Variants in CTIF observed in about 807,000 individuals in gnomAD.
CTIF encodes CBP80/20-dependent translation initiation factor.
A neutral mutation model predicts 66.0 loss-of-function variants in CTIF; 21 were observed. The ratio of observed to expected loss-of-function variants is 0.32; its 90% CI spans 0.23 to 0.46. CTIF has a LOEUF of 0.46. Ranked by LOEUF, CTIF falls within the 20% of genes least tolerant of loss-of-function variation. The probability of loss-of-function intolerance (pLI) is 1.00; values close to 1 mark genes in which losing one functional copy is unlikely to be tolerated. For missense variants in CTIF, 739 were observed against 812.7 expected (o/e 0.91, Z 1.10); for synonymous variants, 345 against 326.4 (o/e 1.06, Z -0.62).
At chr18:48,696,756 A>G (rs2092015017) in intron 6 of CTIF, among the ~76,000 whole-genome samples, 1 of 152,184 alleles carries the variant, frequency 6.6e-6, no homozygotes, top group Admixed American at 6.5e-5. Flanking sequence ...CTTAGAGAGG[A>G]TAAATGAGCA....
intron 9 of CTIF, among the ~76,000 whole-genome samples, chr18:48,800,788 C>G (rs375467262): frequency 6.6e-6 from 1 of 152,202 alleles, no homozygotes; most frequent in Non-Finnish European, 1.5e-5. Flanking sequence ...GGAGTCGGAC[C>G]AGAGTGCCTC....
intron 1 of CTIF, among the ~76,000 whole-genome samples, chr18:48,601,128 G>T (rs187797082): frequency 6.6e-6 from 1 of 152,160 alleles, no homozygotes; most frequent in Non-Finnish European, 1.5e-5. Context: ...TCACCACTAA[G>T]GTGTTAGGCC....
At chr18:48,559,867 G>A (rs1465605139) in intron 1 of CTIF, among the ~76,000 whole-genome samples, 1 of 152,128 alleles carries the variant, frequency 6.6e-6, no homozygotes, top group African/African-American at 2.4e-5. Flanking sequence ...CACTATTCAG[G>A]CATGAGTACA....
At chr18:48,631,848 T>A (rs1307896766) in intron 2 of CTIF, among the ~76,000 whole-genome samples, 1 of 152,114 alleles carries the variant, frequency 6.6e-6, no homozygotes, top group Non-Finnish European at 1.5e-5. Context: ...TTCAGGAGGC[T>A]CAAAGCTGTA....
chr18:48,548,151 G>A (rs940747301), intron 1 of CTIF, among the ~76,000 whole-genome samples: 2 of 152,214 alleles, frequency 1.3e-5, no homozygotes, highest in Non-Finnish European at 2.9e-5. Context: ...GAGCCCTGAA[G>A]GGATTCAGAA....
intron 6 of CTIF, among the ~76,000 whole-genome samples, chr18:48,691,116 T>C (rs1021562703): frequency 1.3e-5 from 2 of 152,188 alleles, no homozygotes; most frequent in African/African-American, 2.4e-5. Flanking sequence ...ATAGACAATC[T>C]TCCTAAACTC....
At chr18:48,543,466 C>T (rs981316220) in intron 1 of CTIF, among the ~76,000 whole-genome samples, 4 of 152,162 alleles carry the variant, frequency 2.6e-5, no homozygotes, top group African/African-American at 9.6e-5. Context: ...CCCTGCCTCC[C>T]GCTGTGTGCG....
At chr18:48,586,731 C>A (rs2089777852) in intron 1 of CTIF, among the ~76,000 whole-genome samples, 1 of 152,058 alleles carries the variant, frequency 6.6e-6, no homozygotes, top group South Asian at 2.1e-4. Flanking sequence ...GTATTTATGT[C>A]TTTCTTTTAT....
intron 9 of CTIF, among the ~76,000 whole-genome samples, chr18:48,784,543 G>A (rs1269409751): frequency 2.6e-5 from 4 of 152,100 alleles, no homozygotes; most frequent in African/African-American, 7.2e-5. Context: ...AAGGATGGAG[G>A]TGATGTCTCC....
chr18:48,843,031 G>A (rs376091687), intron 10 of CTIF, among the ~76,000 whole-genome samples: 30 of 152,150 alleles, frequency 2.0e-4, no homozygotes, highest in East Asian at 1.4e-3. Flanking sequence ...GGTGGATGTC[G>A]GGGCTGTGGA....
chr18:48,638,769 A>G (rs1180897803), intron 3 of CTIF, among the ~76,000 whole-genome samples: 1 of 152,268 alleles, frequency 6.6e-6, no homozygotes, highest in Non-Finnish European at 1.5e-5. Context: ...TTAAAAGTGA[A>G]GTTGTGAAAA....
intron 9 of CTIF, among the ~76,000 whole-genome samples, chr18:48,785,277 C>T (rs940628051): frequency 2.6e-5 from 4 of 152,134 alleles, no homozygotes; most frequent in African/African-American, 9.7e-5. Context: ...GGCTCCAAAC[C>T]GAAACTCAGC....
At chr18:48,597,943 G>T (rs1178024441) in intron 1 of CTIF, among the ~76,000 whole-genome samples, 1 of 152,214 alleles carries the variant, frequency 6.6e-6, no homozygotes, top group Non-Finnish European at 1.5e-5. Flanking sequence ...AGTGGCCAGT[G>T]CAGGGGACGG....
chr18:48,619,569 G>A lies in CTIF; in HGVS notation c.4G>A (p.Glu2Lys). The change falls in exon 2 of 12, where the codon GAA becomes AAA. Residue 2 changes from glutamate (E) to lysine (K), a missense_variant. Transcript: ENST00000256413. ...CCCAGGCCCCTGAGCTGGAGGGATG[G>A]AAAACTCCTCTGCAGCATCAGCCTC... M[E>K]NSSAASASSE... 2 of 1,556,580 alleles carry A rather than the reference G, an allele frequency of 1.3e-6. No individual in the cohort carries two copies. Among genetic ancestry groups the A allele is most frequent in the Non-Finnish European group, 1.7e-6 (2 of 1,150,920 alleles).
intron 1 of CTIF, among the ~76,000 whole-genome samples, chr18:48,575,068 C>A (rs1483948892): frequency 2.0e-5 from 3 of 152,172 alleles, no homozygotes; most frequent in Non-Finnish European, 2.9e-5. Context: ...CACAGGGAGC[C>A]CCGCCTCTGC....
chr18:48,599,659 T>G (rs946804393), intron 1 of CTIF, among the ~76,000 whole-genome samples: 3 of 152,226 alleles, frequency 2.0e-5, no homozygotes, highest in Non-Finnish European at 2.9e-5. Flanking sequence ...CCCACCAGAC[T>G]GTCCCCCTCA....
At chr18:48,572,369 A>C (rs1363746487) in intron 1 of CTIF, among the ~76,000 whole-genome samples, 2 of 152,194 alleles carry the variant, frequency 1.3e-5, no homozygotes, top group Non-Finnish European at 2.9e-5. Context: ...ATTAACCATC[A>C]CAGATCCAAG....
chr18:48,757,778 G>T, intron 7 of CTIF, 141 bp from the exon 8 acceptor site: 1 of 1,162,086 alleles, frequency 8.6e-7, no homozygotes, highest in Non-Finnish European at 1.2e-6. Flanking sequence ...ACTCTGGCAC[G>T]TAGAAGGTGC....
intron 9 of CTIF, among the ~76,000 whole-genome samples, chr18:48,769,724 C>T (rs1056471940): frequency 4.6e-5 from 7 of 152,246 alleles, no homozygotes; most frequent in Non-Finnish European, 1.5e-5. Context: ...CCGTGTGCCT[C>T]GTTGCCAATC....
Sources: gnomAD v4.1 joint callset for allele counts (sites outside exome capture counted in the v4.1 genomes callset) on GRCh38, gnomAD v4.1.1 for gene constraint, MANE v1.5 for transcripts, NCBI Gene and HGNC (gene_info 2026-07-23, HGNC 2026-07-21) for gene names.